The following CMSS1 variants were observed in gnomAD, a reference collection of about 807,000 sequenced individuals.
The protein encoded by CMSS1 is cms1 ribosomal small subunit homolog, also known as protein CMSS1.
A neutral mutation model predicts 43.5 loss-of-function variants in CMSS1; 33 were observed. The observed-to-expected ratio is 0.76, with a 90% CI of 0.57 to 1.01. CMSS1 has a LOEUF of 1.01. Ranked by LOEUF, CMSS1 falls within the 50% of genes least tolerant of loss-of-function variation. CMSS1 has a pLI of 0.00. For synonymous variants in CMSS1, 115 were observed against 117.2 expected (o/e 0.98, Z 0.12); for missense variants, 313 against 326.4 (o/e 0.96, Z 0.32).
chr3:100,013,003 G>T (rs1482823403), intron 1 of CMSS1, among the ~76,000 whole-genome samples: 2 of 151,832 alleles, frequency 1.3e-5, no homozygotes, highest in Non-Finnish European at 2.9e-5. Context: ...TTGTCATGTT[G>T]TCCGGGCTGA....
chr3:99,831,882 A>G (rs1942680031), intron 1 of CMSS1, among the ~76,000 whole-genome samples: 1 of 152,198 alleles, frequency 6.6e-6, no homozygotes, highest in South Asian at 2.1e-4. Context: ...CTTCCTTTAG[A>G]TGTAAGCTTT....
At chr3:99,892,850 A>G (rs1421840170) in intron 1 of CMSS1, among the ~76,000 whole-genome samples, 6 of 152,234 alleles carry the variant, frequency 3.9e-5, no homozygotes, top group Non-Finnish European at 5.9e-5. Context: ...GGTCAAGTTC[A>G]TGTCGATCAT....
At chr3:99,896,166 G>T (rs748415035) in intron 1 of CMSS1, among the ~76,000 whole-genome samples, 2 of 152,176 alleles carry the variant, frequency 1.3e-5, no homozygotes, top group African/African-American at 4.8e-5. Flanking sequence ...GCTCTCACTG[G>T]CTCCATTCCG....
chr3:99,948,774 AAGAGAAAGGAAAGAAAAAG>A (rs967923346), intron 1 of CMSS1, among the ~76,000 whole-genome samples: 1 of 149,380 alleles, frequency 6.7e-6, no homozygotes, highest in African/African-American at 2.5e-5. Flanking sequence ...AGGAAAGAAA[AAGAGAAAGGAAAGAAAAAG>A]AGAAGAAAGA....
chr3:99,880,643 GGTTTTAAAATTAATTTAAAATTTTTTT>G (rs1305186504), intron 1 of CMSS1, among the ~76,000 whole-genome samples: 4 of 151,390 alleles, frequency 2.6e-5, no homozygotes, highest in Admixed American at 6.6e-5. Flanking sequence ...GATATTTTGT[GGTTTTAAAATTAATTTAAAATTTTTTT>G]GTTTTAAAAT....
chr3:100,179,498 C>T lies in CMSS1; in HGVS notation c.*1110C>T, dbSNP rs2107536633. The T allele has an allele frequency of 6.6e-6, 1 of 152,392 alleles. No individual in the cohort carries two copies. The highest frequency in any genetic ancestry group is 1.9e-4 in the East Asian group (1 of 5,186). 9.4% of individuals were successfully genotyped at this position (152,392 alleles called of 1,614,324 possible). A position where few individuals can be genotyped will look rare whatever the true frequency, so the allele number is the denominator to read the frequency against. On this transcript the variant is annotated 3_prime_UTR_variant, in exon 10 of 10. Transcript: ENST00000421999. ...ACTGGCCCAAAGGAGCTAAAGGCCT[C>T]ATGCCAGTTTGAAACCCAGCAGGGC... is the stretch of plus-strand genomic sequence containing the variant.
At chr3:100,171,455 G>A (rs1007465468) in intron 6 of CMSS1, among the ~76,000 whole-genome samples, 1 of 151,896 alleles carries the variant, frequency 6.6e-6, no homozygotes, top group African/African-American at 2.4e-5. Context: ...ACCGCTCCAA[G>A]ATATCTTTTG....
chr3:100,026,701 G>A (rs2107246945), intron 1 of CMSS1, among the ~76,000 whole-genome samples: 1 of 152,146 alleles, frequency 6.6e-6, no homozygotes, highest in African/African-American at 2.4e-5. Context: ...AATATATTCA[G>A]AATCTGATCA....
intron 1 of CMSS1, among the ~76,000 whole-genome samples, chr3:99,974,539 G>A (rs558683274): frequency 7.9e-5 from 12 of 152,024 alleles, no homozygotes; most frequent in South Asian, 2.1e-4. Flanking sequence ...GAGAAACCCC[G>A]TCTCTACTAA....
chr3:100,143,809 A>C (rs982115067), intron 1 of CMSS1, among the ~76,000 whole-genome samples: 1 of 152,078 alleles, frequency 6.6e-6, no homozygotes, highest in African/African-American at 2.4e-5. Flanking sequence ...ATCATTATAT[A>C]ATGTCTCTCT....
chr3:99,904,145 G>C (rs978633281), intron 1 of CMSS1, among the ~76,000 whole-genome samples: 10 of 152,190 alleles, frequency 6.6e-5, no homozygotes, highest in African/African-American at 1.9e-4. Context: ...TAGTGAGTGT[G>C]ATGAATGTTT....
chr3:99,821,236 G>A (rs1006637262), intron 1 of CMSS1, among the ~76,000 whole-genome samples: 1 of 152,206 alleles, frequency 6.6e-6, no homozygotes, highest in Non-Finnish European at 1.5e-5. Context: ...TTGGTGTTTG[G>A]TGGATGTTGG....
intron 1 of CMSS1, among the ~76,000 whole-genome samples, chr3:99,990,254 C>G (rs943564351): frequency 1.3e-5 from 2 of 152,136 alleles, no homozygotes; most frequent in South Asian, 4.1e-4. Context: ...CAAAGATAGA[C>G]AGAAAGAGAT....
chr3:99,922,448 C>T (rs1227911312), intron 1 of CMSS1, among the ~76,000 whole-genome samples: 2 of 151,956 alleles, frequency 1.3e-5, no homozygotes, highest in Admixed American at 6.5e-5. Context: ...CCCTCTCTGC[C>T]GTGTAGTGAA....
chr3:99,840,175 G>A (rs1318782817), intron 1 of CMSS1, among the ~76,000 whole-genome samples: 1 of 145,550 alleles, frequency 6.9e-6, no homozygotes, highest in African/African-American at 2.5e-5. Context: ...ATAATGGGGA[G>A]AAAAAGCTGA....
intron 1 of CMSS1, among the ~76,000 whole-genome samples, chr3:100,036,515 T>C (rs1057421607): frequency 2.6e-5 from 4 of 152,316 alleles, no homozygotes; most frequent in Admixed American, 6.5e-5. Flanking sequence ...TTGTTCATGG[T>C]GATAATAGGT....
chr3:100,167,870 A>T, intron 6 of CMSS1, 30 bp downstream of exon 6: 1 of 1,474,580 alleles, frequency 6.8e-7, no homozygotes, highest in Non-Finnish European at 9.4e-7. Flanking sequence ...CCATATCATA[A>T]ATGTTTTCTG....
intron 1 of CMSS1, among the ~76,000 whole-genome samples, chr3:100,008,320 G>A (rs1397650828): frequency 2.0e-5 from 3 of 152,098 alleles, no homozygotes; most frequent in Admixed American, 1.3e-4. Context: ...AATACCATAA[G>A]GACTTGCTTG....
intron 1 of CMSS1, among the ~76,000 whole-genome samples, chr3:100,032,943 A>C (rs2065044294): frequency 6.6e-6 from 1 of 152,136 alleles, no homozygotes; most frequent in South Asian, 2.1e-4. Context: ...GTTGAAAATG[A>C]TGCTGAAGTT....
Sources: gnomAD v4.1 joint callset for allele counts (sites outside exome capture counted in the v4.1 genomes callset) on GRCh38, gnomAD v4.1.1 for gene constraint, MANE v1.5 for transcripts, NCBI Gene and HGNC (gene_info 2026-07-23, HGNC 2026-07-21) for gene names.